The following LTBP2 variants were observed in gnomAD, a reference collection of about 807,000 sequenced individuals.
The protein encoded by LTBP2 is latent transforming growth factor beta binding protein 2, also known as latent-transforming growth factor beta-binding protein 2.
A neutral mutation model predicts 210.6 loss-of-function variants in LTBP2; 103 were observed. The observed-to-expected ratio is 0.49, with a 90% confidence interval of 0.42 to 0.58. The LOEUF is 0.58. LTBP2 is among the 20% of genes least tolerant of loss of function. The pLI is 0.00. For missense variants in LTBP2, 2,313 were observed against 2,494.5 expected, an observed-to-expected ratio of 0.93 and a Z score of 1.55; for synonymous variants, 1,007 against 1,015.0, an observed-to-expected ratio of 0.99 and a Z score of 0.15.
At position 74,528,590 on chromosome 14, in the gene LTBP2, C is replaced by G. The variant is rs748925944; in HGVS notation, c.2261G>C (p.Arg754Thr). 1 of 1,613,544 alleles carries G rather than the reference C, an allele frequency of 6.2e-7. No individual in the cohort carries two copies. The highest frequency in any genetic ancestry group is 8.5e-7 in the Non-Finnish European group (1 of 1,180,040). ...AEEEELARPP[R>T]EQGQRSSGAL... ...CCCGCTGCTCCTCTGCCCTTGCTCC[C>G]TTGGGGGCCTTGCCAGTTCCTCCTC... The change falls in exon 12 of 36, where the codon AGG becomes ACG. Residue 754 changes from arginine (R) to threonine (T), a missense_variant. Arg to Thr is a moderately conservative substitution (Grantham distance 71). Coordinates refer to ENST00000261978, the MANE Select transcript of LTBP2 (RefSeq NM_000428.3).
intron 3 of LTBP2, 98 bp downstream of exon 3, chr14:74,585,756 C>T: frequency 6.3e-7 from 1 of 1,579,936 alleles, no homozygotes; most frequent in Admixed American, 1.7e-5. Context: ...GACTCTGCGG[C>T]CTTCTCCACC....
At chr14:74,588,519 C>T (rs992921935) in intron 2 of LTBP2, among the ~76,000 whole-genome samples, 1 of 152,166 alleles carries the variant, frequency 6.6e-6, no homozygotes, top group Non-Finnish European at 1.5e-5. Flanking sequence ...CCGCACGAGG[C>T]CGCTGCCATT....
intron 2 of LTBP2, among the ~76,000 whole-genome samples, chr14:74,600,295 C>T (rs2088427684): frequency 6.6e-6 from 1 of 152,210 alleles, no homozygotes; most frequent in South Asian, 2.1e-4. Context: ...TGCCCACTGG[C>T]AACTCCCTTC....
chr14:74,582,397 TACACAC>T (rs58985238), intron 3 of LTBP2, among the ~76,000 whole-genome samples: 46,526 of 140,550 alleles, frequency 0.33, 8,776 homozygotes, highest in Non-Finnish European at 0.45. Context: ...CACACATACA[TACACAC>T]ACACACACAC....
chr14:74,560,954 A>G (rs537965058), intron 3 of LTBP2, among the ~76,000 whole-genome samples: 20 of 152,338 alleles, frequency 1.3e-4, no homozygotes, highest in African/African-American at 4.8e-4. Flanking sequence ...GGGTCCTGGA[A>G]CAAATTCCCT....
At chr14:74,592,202 T>A (rs141198960) in intron 2 of LTBP2, among the ~76,000 whole-genome samples, 164 of 152,246 alleles carry the variant, frequency 1.1e-3, no homozygotes, top group South Asian at 4.1e-3. Flanking sequence ...TCTCAGAATC[T>A]CCAGTGGCAG....
chr14:74,509,470 A>C, intron 21 of LTBP2, 107 bp from the exon 22 acceptor site: 1 of 1,523,340 alleles, frequency 6.6e-7, no homozygotes, highest in Non-Finnish European at 9.0e-7. Context: ...GGCTTTCCTA[A>C]AACCCCCTCC....
At chr14:74,582,820 C>A (rs1000210520) in intron 3 of LTBP2, among the ~76,000 whole-genome samples, 2 of 152,194 alleles carry the variant, frequency 1.3e-5, no homozygotes, top group Non-Finnish European at 1.5e-5. Context: ...TGACAAGTTC[C>A]CAGGTGACTT....
intron 8 of LTBP2, among the ~76,000 whole-genome samples, chr14:74,540,830 A>ATATATTTATATATTATATATATATT (rs1555350191): frequency 2.9e-5 from 2 of 68,646 alleles, no homozygotes; most frequent in African/African-American, 1.0e-4. Context: ...ATTTTTATAT[A>ATATATTTATATATTATATATATATT]ATATATATTT....
In LTBP2 at chr14:74,528,715, C is replaced by A; in HGVS notation, c.2153-17G>T. The A allele has an allele frequency of 6.2e-7, 1 of 1,609,682 alleles. No individual in the cohort carries two copies. Among genetic ancestry groups the A allele is most frequent in the Non-Finnish European group, 8.5e-7 (1 of 1,179,770 alleles). ...TGAAGGCCTCTGCAAAGCCAACAGCCAGAGGACAAACTGAGAGGTGCTGTT... is the reference window on the plus strand; with the variant it reads ...TGAAGGCCTCTGCAAAGCCAACAGCAAGAGGACAAACTGAGAGGTGCTGTT... On this transcript the variant is annotated splice_polypyrimidine_tract_variant and intron_variant, in intron 11 of 35. Coordinates refer to ENST00000261978, the MANE Select transcript of LTBP2 (RefSeq NM_000428.3).
intron 15 of LTBP2, among the ~76,000 whole-genome samples, chr14:74,523,256 G>A (rs181564270): frequency 3.3e-5 from 5 of 152,170 alleles, no homozygotes; most frequent in Non-Finnish European, 5.9e-5. Context: ...AGTGCCCAGC[G>A]CCATCCCTCC....
At chr14:74,566,858 C>T (rs2087909831) in intron 3 of LTBP2, among the ~76,000 whole-genome samples, 1 of 152,190 alleles carries the variant, frequency 6.6e-6, no homozygotes, top group Admixed American at 6.5e-5. Flanking sequence ...ACTCACCCCA[C>T]CTGGCTGCCA....
At chr14:74,524,084 G>C (rs899243860) in intron 15 of LTBP2, among the ~76,000 whole-genome samples, 12 of 151,944 alleles carry the variant, frequency 7.9e-5, no homozygotes, top group African/African-American at 2.9e-4. Context: ...GGGTTGCGGT[G>C]GGGACACTCA....
At chr14:74,512,212 C>T (rs2087080738) in intron 18 of LTBP2, among the ~76,000 whole-genome samples, 1 of 152,224 alleles carries the variant, frequency 6.6e-6, no homozygotes, top group Non-Finnish European at 1.5e-5. Flanking sequence ...GTCACAGGGA[C>T]TGAACTCTGA....
intron 2 of LTBP2, among the ~76,000 whole-genome samples, chr14:74,599,041 T>C (rs1310399708): frequency 6.6e-6 from 1 of 152,146 alleles, no homozygotes; most frequent in Admixed American, 6.5e-5. Context: ...CAATATGAAG[T>C]GCTTAGAATG....
Position 74,551,109 on chromosome 14 carries a change from A to G in LTBP2, c.1641T>C (p.Pro547=), listed in dbSNP as rs1173068241. The G allele has an allele frequency of 1.2e-6, 2 of 1,613,698 alleles. No individual in the cohort carries two copies. The highest frequency in any genetic ancestry group is 4.5e-5 in the East Asian group (2 of 44,902). Residue 547 remains proline, a synonymous_variant, in exon 7 of 36, where the codon CCT becomes CCC. Coordinates refer to ENST00000261978, the MANE Select transcript of LTBP2 (RefSeq NM_000428.3). ...GGTAACACCGGCCCAGCAGTCCTCG[A>G]GGCCTGGGTGCTGCTGGGGGCAGTG... is the stretch of plus-strand genomic sequence containing the variant. ...PRPLPPAAPR[P]RGLLGRCYLN...
intron 8 of LTBP2, among the ~76,000 whole-genome samples, chr14:74,539,898 C>A (rs978924019): frequency 1.3e-5 from 2 of 152,198 alleles, no homozygotes; most frequent in African/African-American, 4.8e-5. Flanking sequence ...AGTCTGGATA[C>A]ATGTATGTGC....
intron 35 of LTBP2, among the ~76,000 whole-genome samples, chr14:74,501,237 T>C (rs1219335648): frequency 1.3e-5 from 2 of 152,248 alleles, no homozygotes; most frequent in African/African-American, 4.8e-5. Flanking sequence ...CGTGCTCTCT[T>C]GTCCTTGTCT....
chr14:74,525,265 T>A, intron 14 of LTBP2, 40 bp from the exon 15 acceptor site: 1 of 1,177,088 alleles, frequency 8.5e-7, no homozygotes, highest in Non-Finnish European at 1.1e-6. Context: ...TTGTGGCCCC[T>A]TGGCTGGCCA....
Sources: gnomAD v4.1 joint callset for allele counts (sites outside exome capture counted in the v4.1 genomes callset) on GRCh38, gnomAD v4.1.1 for gene constraint, MANE v1.5 for transcripts, NCBI Gene and HGNC (gene_info 2026-07-23, HGNC 2026-07-21) for gene names.